Variants in CNTN5 observed in about 807,000 individuals in gnomAD.
CNTN5 encodes the protein contactin 5, also known as contactin-5.
Under a neutral mutation model 129.1 loss-of-function variants are expected in CNTN5, and 77 were observed. The ratio of observed to expected loss-of-function variants is 0.60; its 90% CI spans 0.50 to 0.72. The LOEUF (loss-of-function observed/expected upper bound fraction) is 0.72, where lower values mean the gene tolerates loss of function less well. Among genes scored for constraint, CNTN5 ranks in the 30% least tolerant of loss-of-function variants. The pLI is 0.00. For missense variants in CNTN5, 1,478 were observed against 1,328.8 expected (o/e 1.11, Z -1.75); for synonymous variants, 509 against 465.6 (o/e 1.09, Z -1.20).
At chr11:100,246,513 G>C (rs1949844353) in intron 16 of CNTN5, among the ~76,000 whole-genome samples, 1 of 151,976 alleles carries the variant, frequency 6.6e-6, no homozygotes, top group Admixed American at 6.6e-5. Flanking sequence ...AGTAGCTCTT[G>C]GGTACAGCTC....
At chr11:99,789,797 A>G (rs562351176) in intron 3 of CNTN5, among the ~76,000 whole-genome samples, 6 of 151,950 alleles carry the variant, frequency 3.9e-5, no homozygotes, top group Non-Finnish European at 7.4e-5. Flanking sequence ...GTTTAGATTC[A>G]TGGGATATAT....
chr11:99,629,101 A>G (rs1210098547), intron 3 of CNTN5, among the ~76,000 whole-genome samples: 2 of 152,066 alleles, frequency 1.3e-5, no homozygotes, highest in African/African-American at 4.8e-5. Flanking sequence ...TGTTGGGTCA[A>G]TGCCAGAAAT....
intron 3 of CNTN5, among the ~76,000 whole-genome samples, chr11:99,673,764 G>GAA (rs56183704): frequency 6.7e-6 from 1 of 148,220 alleles, no homozygotes. Context: ...TGTCCCTGCA[G>GAA]AAAAAAAAAA....
chr11:99,793,206 C>T (rs1002560651), intron 3 of CNTN5, among the ~76,000 whole-genome samples: 12 of 151,990 alleles, frequency 7.9e-5, no homozygotes, highest in Admixed American at 5.9e-4. Context: ...GCTACAGGCA[C>T]CTGCCACCAC....
At chr11:100,107,511 T>A (rs1385950258) in intron 13 of CNTN5, among the ~76,000 whole-genome samples, 16 of 145,260 alleles carry the variant, frequency 1.1e-4, no homozygotes, top group African/African-American at 3.9e-4. Flanking sequence ...TTTTTTGAAG[T>A]CTAAACATCT....
chr11:100,120,308 C>G (rs1041983370), intron 13 of CNTN5, among the ~76,000 whole-genome samples: 5 of 151,914 alleles, frequency 3.3e-5, no homozygotes, highest in African/African-American at 9.7e-5. Flanking sequence ...TTTACACCAC[C>G]ATTAAATTAG....
chr11:99,855,173 G>A (rs1469998801), intron 6 of CNTN5, among the ~76,000 whole-genome samples: 1 of 152,014 alleles, frequency 6.6e-6, no homozygotes, highest in East Asian at 1.9e-4. Context: ...GCCAGACGTG[G>A]CAGTTTGTGA....
At chr11:99,553,973 CACACACACACACACACACACACAT>C (rs1309000783) in intron 2 of CNTN5, among the ~76,000 whole-genome samples, 1 of 118,818 alleles carries the variant, frequency 8.4e-6, no homozygotes, top group Admixed American at 9.1e-5. Flanking sequence ...AATACACACA[CACACACACACACACACACACACAT>C]ACACACACAC....
At chr11:99,782,228 T>C (rs1945337414) in intron 3 of CNTN5, among the ~76,000 whole-genome samples, 1 of 146,206 alleles carries the variant, frequency 6.8e-6, no homozygotes, top group Non-Finnish European at 1.5e-5. Flanking sequence ...CCATTCACAA[T>C]TGCTTCAAAG....
At chr11:99,340,904 A>G (rs572323424) in intron 2 of CNTN5, among the ~76,000 whole-genome samples, 3 of 152,284 alleles carry the variant, frequency 2.0e-5, no homozygotes, top group African/African-American at 7.2e-5. Flanking sequence ...TCAGGCTGCT[A>G]ACTGTCAATA....
At chr11:99,617,392 G>A (rs186104967) in intron 3 of CNTN5, among the ~76,000 whole-genome samples, 1 of 152,200 alleles carries the variant, frequency 6.6e-6, no homozygotes, top group Non-Finnish European at 1.5e-5. Flanking sequence ...GAATATTAGT[G>A]CAGATGTTTG....
chr11:99,408,118 A>G (rs1443420596), intron 2 of CNTN5, among the ~76,000 whole-genome samples: 1 of 152,048 alleles, frequency 6.6e-6, no homozygotes, highest in Non-Finnish European at 1.5e-5. Context: ...GGTGGGGAGC[A>G]ATATTTGTTG....
chr11:100,280,130 T>C (rs749251194), intron 18 of CNTN5, among the ~76,000 whole-genome samples: 1 of 151,822 alleles, frequency 6.6e-6, no homozygotes, highest in Non-Finnish European at 1.5e-5. Flanking sequence ...GAATAACCTA[T>C]GTGCTGAGGA....
chr11:100,242,827 G>T (rs1249172648), intron 16 of CNTN5, among the ~76,000 whole-genome samples: 2 of 152,142 alleles, frequency 1.3e-5, no homozygotes, highest in Non-Finnish European at 2.9e-5. Context: ...TCCCCAAAGA[G>T]ACTAATTACA....
chr11:99,485,321 G>A (rs890615435), intron 2 of CNTN5, among the ~76,000 whole-genome samples: 3 of 151,872 alleles, frequency 2.0e-5, no homozygotes, highest in Non-Finnish European at 2.9e-5. Flanking sequence ...GATTTTAGGG[G>A]AATAGAACTA....
Position 99,845,066 on chromosome 11 carries a change from G to A in CNTN5, c.402-21G>A, listed in dbSNP as rs376094422. The A allele has an allele frequency of 1.1e-5, 18 of 1,612,016 alleles. No individual in the cohort carries two copies. In the African/African-American group the frequency reaches 2.3e-4, roughly 20 times the overall value. The stretch of plus-strand genomic sequence containing the variant: ...CTCTCAGGGAGGATTATACATATTT[G>A]TCTTCTGATTTTTTCCTAAGATGGC... On this transcript the variant is annotated intron_variant, in intron 5 of 24. Coordinates refer to ENST00000524871, the MANE Select transcript of CNTN5 (RefSeq NM_014361.4).
intron 3 of CNTN5, among the ~76,000 whole-genome samples, chr11:99,785,833 T>C (rs563510277): frequency 6.6e-6 from 1 of 152,142 alleles, no homozygotes; most frequent in Admixed American, 6.5e-5. Flanking sequence ...CTAAATAAAG[T>C]AGGTATTGAT....
intron 8 of CNTN5, among the ~76,000 whole-genome samples, chr11:99,966,677 C>T (rs992513452): frequency 6.6e-6 from 1 of 152,164 alleles, no homozygotes; most frequent in Non-Finnish European, 1.5e-5. Context: ...ATATGTTGAA[C>T]TAGCACACAA....
chr11:99,548,493 A>G (rs1032410162), intron 2 of CNTN5, among the ~76,000 whole-genome samples: 1 of 152,172 alleles, frequency 6.6e-6, no homozygotes, highest in Non-Finnish European at 1.5e-5. Context: ...TGTATAGCCA[A>G]TCGCTGGTTG....
Sources: allele counts gnomAD v4.1 joint callset (sites outside exome capture counted in the v4.1 genomes callset), GRCh38; gene constraint gnomAD v4.1.1; transcripts MANE v1.5; gene names NCBI Gene and HGNC (gene_info 2026-07-23, HGNC 2026-07-21).